ST8SIA5: variants seen among roughly 807,000 people sequenced by gnomAD.
The protein encoded by ST8SIA5 is alpha-2,8-sialyltransferase 8E.
In ST8SIA5, 24 loss-of-function variants were observed where a neutral mutation model predicts 40.2. The ratio of observed to expected loss-of-function variants is 0.60; its 90% CI spans 0.43 to 0.84. The LOEUF (loss-of-function observed/expected upper bound fraction) is 0.84. Ranked by LOEUF, ST8SIA5 falls within the 40% of genes least tolerant of loss-of-function variation. ST8SIA5 has a pLI of 0.00. For synonymous variants in ST8SIA5, 198 were observed against 201.8 expected (o/e 0.98, Z 0.16); for missense variants, 465 against 498.5 (o/e 0.93, Z 0.64).
intron 1 of ST8SIA5, among the ~76,000 whole-genome samples, chr18:46,750,676 C>T (rs2040187380): frequency 1.3e-5 from 2 of 152,166 alleles, no homozygotes; most frequent in South Asian, 4.1e-4. Context: ...ACTCTGACGC[C>T]CTCGTCCCTT....
At chr18:46,723,563 T>A (rs1002299054) in intron 1 of ST8SIA5, among the ~76,000 whole-genome samples, 1 of 151,462 alleles carries the variant, frequency 6.6e-6, no homozygotes, top group African/African-American at 2.4e-5. Flanking sequence ...AATGAATGAA[T>A]GAATGGATAG....
Position 46,674,542 on chromosome 18 carries a change from A to G in ST8SIA5, c.*5500T>C, listed in dbSNP as rs1007269497. ...TGCTGGAGTCCCCCAGGAACCAGAG[A>G]CCTCATTACTGTAGTAAACATGTGT... is the stretch of plus-strand genomic sequence containing the variant. On this transcript the variant is annotated 3_prime_UTR_variant, in exon 7 of 7. Coordinates refer to ENST00000315087, the MANE Select transcript of ST8SIA5 (RefSeq NM_013305.6). 2.0e-5 allele frequency: 3 copies of G among 152,206 alleles called. No homozygotes were observed. The highest frequency in any genetic ancestry group is 4.4e-5 in the Non-Finnish European group (3 of 68,032). The allele number at this position is 152,206 out of a possible 1,614,324, so 9.4% of individuals were successfully genotyped here. A position where few individuals can be genotyped will look rare whatever the true frequency, so the allele number is the denominator to read the frequency against.
At chr18:46,733,054 C>A (rs1036208232) in intron 1 of ST8SIA5, among the ~76,000 whole-genome samples, 2 of 152,132 alleles carry the variant, frequency 1.3e-5, no homozygotes, top group Non-Finnish European at 2.9e-5. Context: ...AAGCAGTGAG[C>A]AGATCAGCAG....
At chr18:46,688,941 A>T (rs747746465) in intron 3 of ST8SIA5, 22 bp from the exon 4 acceptor site, 93 of 1,601,262 alleles carry the variant, frequency 5.8e-5, no homozygotes, top group Non-Finnish European at 7.5e-5. Flanking sequence ...GGAGACAGGC[A>T]GGAAAGACGT....
chr18:46,730,512 A>G (rs2039975517), intron 1 of ST8SIA5, among the ~76,000 whole-genome samples: 1 of 152,234 alleles, frequency 6.6e-6, no homozygotes, highest in Admixed American at 6.5e-5. Context: ...TTCCATTTGT[A>G]CACACTTTTG....
chr18:46,704,640 AG>A lies in ST8SIA5; in HGVS notation c.155del (p.Pro52LeufsTer12). ...GGCATCTTGTGGAGTTATATTCAAA[AG>A]GCCCCTCATAAAATTCAAAGTACCT... Reference protein sequence around the residue: ...IKRYFEFYEGPFEYNSTRCLE... With the variant: ...IKRYFEFYEGXFEYNSTRCLE... On this transcript the variant is annotated frameshift_variant, in exon 2 of 7. Transcript: ENST00000315087. LOFTEE classifies it high-confidence loss of function. 1.2e-6 allele frequency: 2 copies of A among 1,614,148 alleles called. No individual in the cohort carries two copies. Among genetic ancestry groups the A allele is most frequent in the Non-Finnish European group, 1.7e-6 (2 of 1,180,014 alleles).
At chr18:46,721,779 C>T (rs1051580193) in intron 1 of ST8SIA5, among the ~76,000 whole-genome samples, 7 of 152,224 alleles carry the variant, frequency 4.6e-5, no homozygotes, top group South Asian at 4.1e-4. Context: ...CCTCCTATAC[C>T]GTGCCATCCC....
chr18:46,701,886 G>A (rs143423290), intron 2 of ST8SIA5, among the ~76,000 whole-genome samples: 6 of 152,232 alleles, frequency 3.9e-5, no homozygotes, highest in Admixed American at 6.5e-5. Context: ...GGTGGCTCAC[G>A]CCTGTAATCC....
At chr18:46,706,766 A>G (rs952646939) in intron 1 of ST8SIA5, among the ~76,000 whole-genome samples, 1 of 152,214 alleles carries the variant, frequency 6.6e-6, no homozygotes, top group Non-Finnish European at 1.5e-5. Context: ...GACCTGTTAT[A>G]GGGGAAGAAT....
At chr18:46,717,993 A>G (rs770696926) in intron 1 of ST8SIA5, among the ~76,000 whole-genome samples, 16 of 152,204 alleles carry the variant, frequency 1.1e-4, no homozygotes, top group Middle Eastern at 3.2e-3. Context: ...AGGCCTTCCT[A>G]CTTGTGCAAA....
intron 1 of ST8SIA5, chr18:46,722,954 C>T (rs897476686): frequency 6.6e-6 from 1 of 152,258 alleles, no homozygotes; most frequent in Non-Finnish European, 1.5e-5. Context: ...TTTCTCTGCT[C>T]ATGCCCAGTG....
In ST8SIA5 at chr18:46,679,628, T is replaced by TCGGTG; in HGVS notation, c.*413_*414insCACCG. The TCGGTG allele has an allele frequency of 1.7e-5, 4 of 231,774 alleles. No individual in the cohort carries two copies. The highest frequency in any genetic ancestry group is 3.4e-5 in the Non-Finnish European group (4 of 117,714). The allele number at this position is 231,774 out of a possible 1,614,324, so 14.4% of individuals were successfully genotyped here. On this transcript the variant is annotated 3_prime_UTR_variant, in exon 7 of 7. Transcript: ENST00000315087. ...TGCTCAAGTGTCCTGTGAAGTGTCC[T>TCGGTG]GTCTCCACTCTCAATTCCATTCTCT...
At chr18:46,724,434 T>G (rs1568270218) in intron 1 of ST8SIA5, among the ~76,000 whole-genome samples, 1 of 152,242 alleles carries the variant, frequency 6.6e-6, no homozygotes, top group Non-Finnish European at 1.5e-5. Context: ...CAAAGCAAAA[T>G]GCCTGTCCAG....
chr18:46,719,992 C>T (rs775866844), intron 1 of ST8SIA5, among the ~76,000 whole-genome samples: 2 of 151,962 alleles, frequency 1.3e-5, no homozygotes, highest in Admixed American at 6.6e-5. Context: ...GCATGTGCCA[C>T]CACACCCGGC....
At chr18:46,681,911 G>A in intron 6 of ST8SIA5, 61 bp downstream of exon 6, 1 of 1,556,118 alleles carries the variant, frequency 6.4e-7, no homozygotes. Context: ...GTGCCCAGTA[G>A]CCGCATGTGA....
Position 46,680,168 on chromosome 18 carries a change from G to A in ST8SIA5, c.1005C>T (p.His335=), listed in dbSNP as rs182902929. 3.7e-6 allele frequency: 6 copies of A among 1,614,266 alleles called. No homozygotes were observed. The African/African-American group carries it at 4.0e-5, about 11-fold the overall frequency. ...PMNPSGLYIT[H]HYYDNVKPRP... ...GCGGCTTGACGTTGTCATAGTAGTG[G>A]TGAGTGATGTAGAGGCCCGAGGGGT... Residue 335 remains histidine, a synonymous_variant, in exon 7 of 7, where the codon CAC becomes CAT. Coordinates refer to ENST00000315087, the MANE Select transcript of ST8SIA5 (RefSeq NM_013305.6).
chr18:46,698,495 A>T (rs1190697461), intron 2 of ST8SIA5, among the ~76,000 whole-genome samples: 1 of 152,122 alleles, frequency 6.6e-6, no homozygotes, highest in Admixed American at 6.5e-5. Context: ...CAGCAACCCA[A>T]CAACCCAACA....
chr18:46,669,782 G>A lies in ST8SIA5; in HGVS notation c.*10260C>T, dbSNP rs2039297953. On this transcript the variant is annotated 3_prime_UTR_variant, in exon 7 of 7. Transcript: ENST00000315087. ...GGGGGAAAATGTTAAGTTCAAAAGA[G>A]TGAGTTTGGCCGGGCACGGTGGCCC... 1 of 152,186 alleles carries A rather than the reference G, an allele frequency of 6.6e-6. No individual in the cohort carries two copies. Among genetic ancestry groups the A allele is most frequent in the African/African-American group, 2.4e-5 (1 of 41,446 alleles). The allele number at this position is 152,186 out of a possible 1,614,324, so 9.4% of individuals were successfully genotyped here.
At chr18:46,686,345 C>T in intron 4 of ST8SIA5, 59 bp from the exon 5 acceptor site, 1 of 1,408,040 alleles carries the variant, frequency 7.1e-7, no homozygotes, top group Non-Finnish European at 1.0e-6. Context: ...CGACCTGCTA[C>T]TCTCACCTCT....
Sources: allele counts gnomAD v4.1 joint callset (sites outside exome capture counted in the v4.1 genomes callset), GRCh38; gene constraint gnomAD v4.1.1; transcripts MANE v1.5; gene names NCBI Gene and HGNC (gene_info 2026-07-23, HGNC 2026-07-21).